Variants in NRXN2 observed in about 807,000 individuals in gnomAD.
NRXN2 encodes the protein neurexin-2-beta.
In NRXN2, 29 loss-of-function variants were observed where a neutral mutation model predicts 128.8. The observed-to-expected ratio is 0.23, with a 90% CI of 0.17 to 0.31. The LOEUF (loss-of-function observed/expected upper bound fraction) is 0.31, where lower values mean the gene tolerates loss of function less well. NRXN2 is among the 10% of genes least tolerant of loss of function. The pLI is 1.00. For missense variants in NRXN2, 1,881 were observed against 2,452.6 expected, an observed-to-expected ratio of 0.77 and a Z score of 4.92; for synonymous variants, 1,098 against 1,075.2, an observed-to-expected ratio of 1.02 and a Z score of -0.41.
chr11:64,647,826 G>A (rs958060139), intron 17 of NRXN2, among the ~76,000 whole-genome samples: 4 of 152,190 alleles, frequency 2.6e-5, no homozygotes, highest in African/African-American at 9.7e-5. Flanking sequence ...CCCCCTCCCT[G>A]TGCAATAGTG....
rs771098141 is a variant in NRXN2, at chr11:64,630,382, C to G, written c.3757+20G>C. On this transcript the variant is annotated intron_variant, in intron 19 of 22. Transcript: ENST00000265459. The surrounding 1 kb of genome is among the most constrained non-coding windows in gnomAD (Gnocchi z 4.6). Reference sequence around the variant, plus strand: ...ACCCGCCCCGCCACCGCGCCTCCTCCGCGGGCCCGCGCCGCCTACCTGCCG... The same window carrying G: ...ACCCGCCCCGCCACCGCGCCTCCTCGGCGGGCCCGCGCCGCCTACCTGCCG... 2 of 1,603,390 alleles carry G rather than the reference C, an allele frequency of 1.2e-6. No individual in the cohort carries two copies.
Position 64,632,157 on chromosome 11 carries a change from G to A in NRXN2, c.3586-1584C>T, listed in dbSNP as rs1402516483. On this transcript the variant is annotated intron_variant, in intron 18 of 22. Transcript: ENST00000265459. The surrounding 1 kb of genome is among the most constrained non-coding windows in gnomAD (Gnocchi z 4.2). Reference sequence around the variant, plus strand: ...TTGGGGTTTGGCAGAGAGAGTTGGGGGACAAGGTTTGCAGCTGTGGCTCAG... The same window carrying A: ...TTGGGGTTTGGCAGAGAGAGTTGGGAGACAAGGTTTGCAGCTGTGGCTCAG... 6.6e-6 allele frequency among the ~76,000 whole-genome samples: 1 copy of A among 152,190 alleles called. No homozygotes were observed. Among genetic ancestry groups the A allele is most frequent in the Non-Finnish European group, 1.5e-5 (1 of 68,024 alleles).
intron 7 of NRXN2, among the ~76,000 whole-genome samples, chr11:64,669,632 A>C (rs1207514957): frequency 6.6e-6 from 1 of 152,058 alleles, no homozygotes; most frequent in Non-Finnish European, 1.5e-5. Flanking sequence ...AAGGACAGGA[A>C]ACTCTCCAAC....
At chr11:64,666,080 C>A (rs928751982) in intron 9 of NRXN2, among the ~76,000 whole-genome samples, 1 of 152,188 alleles carries the variant, frequency 6.6e-6, no homozygotes, top group Non-Finnish European at 1.5e-5. Context: ...TCTCCCACCC[C>A]ACACCAGAAC....
chr11:64,606,697 G>A lies in NRXN2; in HGVS notation c.*499C>T, dbSNP rs1036192708. 6.9e-6 allele frequency: 1 copy of A among 144,314 alleles called. No individual in the cohort carries two copies. The highest frequency in any genetic ancestry group is 2.6e-5 in the African/African-American group (1 of 38,540). 8.9% of individuals were successfully genotyped at this position (144,314 alleles called of 1,614,324 possible). A position where few individuals can be genotyped will look rare whatever the true frequency, so the allele number is the denominator to read the frequency against. ...AGGGAGGAAAGGAAGGGAGAAACCA[G>A]ACACACAAAAAAAGAAGTAGGGAAG... On this transcript the variant is annotated 3_prime_UTR_variant, in exon 23 of 23. Coordinates refer to ENST00000265459, the MANE Select transcript of NRXN2 (RefSeq NM_015080.4).
In NRXN2 at chr11:64,617,948, C is replaced by A. The variant is rs533998839; in HGVS notation, c.4252+2346G>T. On this transcript the variant is annotated intron_variant, in intron 22 of 22. Coordinates refer to ENST00000265459, the MANE Select transcript of NRXN2 (RefSeq NM_015080.4). ...TCTGGGGGCTCCAGAGTGTACTCTGCCCTCCCTCCTGGCCTTACTTTTAAA... is the reference window on the plus strand; with the variant it reads ...TCTGGGGGCTCCAGAGTGTACTCTGACCTCCCTCCTGGCCTTACTTTTAAA... Among the ~76,000 whole-genome samples, 3 of 152,016 alleles carry A rather than the reference C, an allele frequency of 2.0e-5. No homozygotes were observed. The East Asian group carries it at 5.8e-4, about 29-fold the overall frequency.
At chr11:64,617,634 C>T (rs1050951430) in intron 22 of NRXN2, among the ~76,000 whole-genome samples, 4 of 152,190 alleles carry the variant, frequency 2.6e-5, no homozygotes, top group African/African-American at 9.7e-5. Context: ...AGAGGTAAAA[C>T]CCCATGGGGT....
intron 11 of NRXN2, among the ~76,000 whole-genome samples, chr11:64,654,397 C>T (rs541711350): frequency 6.6e-6 from 1 of 152,340 alleles, no homozygotes; most frequent in Admixed American, 6.5e-5. Context: ...TAGTATTAAC[C>T]TGCTTTCCTA....
At chr11:64,645,788 G>T (rs898716820) in intron 17 of NRXN2, among the ~76,000 whole-genome samples, 1 of 152,060 alleles carries the variant, frequency 6.6e-6, no homozygotes, top group Admixed American at 6.5e-5. Context: ...TCCCCCACCA[G>T]ACAGCTCCAA....
intron 3 of NRXN2, among the ~76,000 whole-genome samples, chr11:64,697,064 C>G (rs374060712): frequency 6.6e-6 from 1 of 152,054 alleles, no homozygotes. Flanking sequence ...AAGAGGCCAA[C>G]AAAACAGGAG....
At chr11:64,609,687 G>A (rs946923570) in intron 22 of NRXN2, among the ~76,000 whole-genome samples, 1 of 152,212 alleles carries the variant, frequency 6.6e-6, no homozygotes, top group Non-Finnish European at 1.5e-5. Flanking sequence ...GGGTAGAAGG[G>A]AGCTGGGGCT....
chr11:64,630,686 C>T lies in NRXN2; in HGVS notation c.3586-113G>A. 1.6e-6 allele frequency: 2 copies of T among 1,262,076 alleles called. No homozygotes were observed. Among genetic ancestry groups the T allele is most frequent in the South Asian group, 2.5e-5 (2 of 79,520 alleles). The allele number at this position is 1,262,076 out of a possible 1,614,324, so 78.2% of individuals were successfully genotyped here. On this transcript the variant is annotated intron_variant, in intron 18 of 22. Coordinates refer to ENST00000265459, the MANE Select transcript of NRXN2 (RefSeq NM_015080.4). This position sits in a 1 kb window ranked among gnomAD's most constrained non-coding sequence, Gnocchi z 4.6. ...GCTCCGCAGCACTTAAGGCACCTTT[C>T]CCAGGTCTCAACCGCTGGAGGAGGT...
chr11:64,702,865 C>T (rs1592232767), intron 2 of NRXN2, among the ~76,000 whole-genome samples: 1 of 148,886 alleles, frequency 6.7e-6, no homozygotes, highest in South Asian at 2.2e-4. Context: ...TGGTGTGCGC[C>T]TGTAGTCCCA....
intron 1 of NRXN2, among the ~76,000 whole-genome samples, chr11:64,715,568 A>G (rs2057278120): frequency 6.6e-6 from 1 of 152,142 alleles, no homozygotes; most frequent in Non-Finnish European, 1.5e-5. Context: ...GCAGAGGAAG[A>G]TGGGGCAGAA....
rs745382588 is a variant in NRXN2 at position 64,667,585 on chromosome 11, T to A, written c.1463A>T (p.Asp488Val). ...LQGDLSFRCE[D>V]VAALDPVTFE... ...GGTCACAGGGTCCAGGGCAGCCACA[T>A]CCTCACAGCGGAATGACAAGTCCCC... Residue 488 changes from aspartate to valine, a missense_variant, in exon 9 of 23, where the codon GAT becomes GTT. Asp to Val is a radical substitution (Grantham distance 152). This residue lies in a region of NRXN2 where 997 missense variants were observed against 1,240.8 expected (regional missense o/e 0.80). Transcript: ENST00000265459. The surrounding 1 kb of genome is among the most constrained non-coding windows in gnomAD (Gnocchi z 5.6). The A allele has an allele frequency of 6.2e-7, 1 of 1,614,156 alleles. No individual in the cohort carries two copies. The highest frequency in any genetic ancestry group is 8.5e-7 in the Non-Finnish European group (1 of 1,180,018).
chr11:64,677,524 C>T (rs552233688), intron 6 of NRXN2, among the ~76,000 whole-genome samples: 2 of 152,152 alleles, frequency 1.3e-5, no homozygotes, highest in South Asian at 2.1e-4. Context: ...ATACCTTGCC[C>T]CACCTGTCCC....
intron 3 of NRXN2, among the ~76,000 whole-genome samples, chr11:64,695,298 C>T (rs955110344): frequency 3.9e-5 from 6 of 152,124 alleles, no homozygotes; most frequent in African/African-American, 1.4e-4. Context: ...CTTCCTAGGG[C>T]ACTTTATCTG....
At chr11:64,716,075 A>G (rs2057295589) in intron 1 of NRXN2, among the ~76,000 whole-genome samples, 1 of 152,142 alleles carries the variant, frequency 6.6e-6, no homozygotes, top group South Asian at 2.1e-4. Context: ...CAGAAGAGTG[A>G]CCAGCCTCCC....
rs2043733764 is a variant in NRXN2, at chr11:64,630,429, A to C, written c.3730T>G (p.Trp1244Gly). The C allele has an allele frequency of 6.2e-7, 1 of 1,608,258 alleles. No homozygotes were observed. Among genetic ancestry groups the C allele is most frequent in the Non-Finnish European group, 8.5e-7 (1 of 1,176,942 alleles). ...GCCGGGTACCGCTCGTTGACCGGCCAGCTGTCCACCTGCAGGGTGGCGTTG... is the reference window on the plus strand; with the variant it reads ...GCCGGGTACCGCTCGTTGACCGGCCCGCTGTCCACCTGCAGGGTGGCGTTG... ...GGNATLQVDS[W>G]PVNERYPAGN... Residue 1244 changes from tryptophan (W) to glycine (G), a missense_variant, in exon 19 of 23, where the codon TGG becomes GGG. Around this residue, in one of 7 missense-constraint regions of NRXN2, gnomAD observed 390 missense variants for 599.6 expected, o/e 0.65. Transcript: ENST00000265459. The surrounding 1 kb of genome is among the most constrained non-coding windows in gnomAD (Gnocchi z 4.6).
Sources: gnomAD v4.1 joint callset for allele counts (sites outside exome capture counted in the v4.1 genomes callset) on GRCh38, gnomAD v4.1.1 for gene constraint, gnomAD v4.1.1 regional missense constraint, Gnocchi (gnomAD v3.1) non-coding constraint, MANE v1.5 for transcripts, NCBI Gene and HGNC (gene_info 2026-07-23, HGNC 2026-07-21) for gene names.